The following SMURF2 variants were observed in gnomAD, a reference collection of about 807,000 sequenced individuals.
SMURF2 encodes SMAD specific E3 ubiquitin protein ligase 2.
Under a neutral mutation model 109.6 loss-of-function variants are expected in SMURF2, and 48 were observed. The observed-to-expected ratio is 0.44, with a 90% CI of 0.35 to 0.56. The LOEUF (loss-of-function observed/expected upper bound fraction) is 0.56. Ranked by LOEUF, SMURF2 falls within the 20% of genes least tolerant of loss-of-function variation. The pLI is 0.01. For missense variants in SMURF2, 575 were observed against 909.0 expected (o/e 0.63, Z 4.72); for synonymous variants, 288 against 317.1 (o/e 0.91, Z 0.97).
At position 64,575,089 on chromosome 17, in the gene SMURF2, A is replaced by AT. The variant is rs551344959; in HGVS notation, c.858-3134dup. ...TGATTTTGAAAAGTTAGGCCCTTGGATTTTTTTTTTCTTTTTTTAGTAAGC... is the reference window on the plus strand; with the variant it reads ...TGATTTTGAAAAGTTAGGCCCTTGGATTTTTTTTTTTCTTTTTTTAGTAAGC... On this transcript the variant is annotated intron_variant, in intron 9 of 18. Transcript: ENST00000262435. 5.4e-3 allele frequency among the ~76,000 whole-genome samples: 802 copies of AT among 147,466 alleles called. 5 individuals carry two copies. Among genetic ancestry groups the AT allele is most frequent in the East Asian group, 0.014 (71 of 5,088 alleles).
At chr17:64,612,338 G>C (rs1970056713) in intron 1 of SMURF2, among the ~76,000 whole-genome samples, 1 of 151,894 alleles carries the variant, frequency 6.6e-6, no homozygotes, top group African/African-American at 2.4e-5. Context: ...ATATAACAAT[G>C]GCCAATCCTC....
At chr17:64,649,272 C>T (rs1350501998) in intron 1 of SMURF2, among the ~76,000 whole-genome samples, 7 of 152,124 alleles carry the variant, frequency 4.6e-5, no homozygotes, top group South Asian at 4.1e-4. Context: ...TTTACATACC[C>T]TGACATCTAT....
At chr17:64,620,672 C>T (rs1244453104) in intron 1 of SMURF2, among the ~76,000 whole-genome samples, 1 of 152,340 alleles carries the variant, frequency 6.6e-6, no homozygotes, top group African/African-American at 2.4e-5. Flanking sequence ...GAACCTCCAA[C>T]ACTTGGATTC....
intron 1 of SMURF2, among the ~76,000 whole-genome samples, chr17:64,635,310 G>C (rs1464253368): frequency 6.6e-6 from 1 of 152,180 alleles, no homozygotes; most frequent in Admixed American, 6.5e-5. Context: ...CTGGGCGACA[G>C]AGCGAGACTA....
At position 64,662,081 on chromosome 17, in the gene SMURF2, TCTC is replaced by T. The variant is rs1297766689; in HGVS notation, c.-204_-202del. The T allele has an allele frequency of 1.5e-5, 16 of 1,073,456 alleles. No homozygotes were observed. The highest frequency in any genetic ancestry group is 1.1e-4 in the Admixed American group (2 of 18,640). 66.5% of individuals were successfully genotyped at this position (1,073,456 alleles called of 1,614,324 possible). ...CGCCGAGCTCCCCCCTCCTCCCACTTCTCCTTCCTCGGCCCGGGCCGCACAACA... is the reference window on the plus strand; with the variant it reads ...CGCCGAGCTCCCCCCTCCTCCCACTTCTTCCTCGGCCCGGGCCGCACAACA... On this transcript the variant is annotated 5_prime_UTR_variant, in exon 1 of 19. Transcript: ENST00000262435.
chr17:64,625,732 TG>T (rs1168352716), intron 1 of SMURF2, among the ~76,000 whole-genome samples: 2 of 152,206 alleles, frequency 1.3e-5, no homozygotes, highest in Non-Finnish European at 2.9e-5. Flanking sequence ...TAGGTCTATA[TG>T]GGGCCCCATG....
intron 1 of SMURF2, among the ~76,000 whole-genome samples, chr17:64,627,443 G>C (rs1167696194): frequency 2.6e-5 from 4 of 152,160 alleles, no homozygotes; most frequent in African/African-American, 9.7e-5. Context: ...GAGACACTTT[G>C]CTAAACATTG....
At position 64,542,551 on chromosome 17, in the gene SMURF2, T is replaced by C. The variant is rs1555682683; in HGVS notation, c.*3297A>G. 2 of 151,940 alleles carry C rather than the reference T, an allele frequency of 1.3e-5. No homozygotes were observed. Among genetic ancestry groups the C allele is most frequent in the Non-Finnish European group, 2.9e-5 (2 of 67,980 alleles). The allele number at this position is 151,940 out of a possible 1,614,324, so 9.4% of individuals were successfully genotyped here. On this transcript the variant is annotated 3_prime_UTR_variant, in exon 19 of 19. Coordinates refer to ENST00000262435, the MANE Select transcript of SMURF2 (RefSeq NM_022739.4). ...AAAGTGAACTAATTACATCTAGAAATAAAACAACTCAGCATTTGGAACAAT... is the reference window on the plus strand; with the variant it reads ...AAAGTGAACTAATTACATCTAGAAACAAAACAACTCAGCATTTGGAACAAT...
intron 1 of SMURF2, among the ~76,000 whole-genome samples, chr17:64,649,206 A>C (rs1970602419): frequency 6.6e-6 from 1 of 152,224 alleles, no homozygotes; most frequent in Non-Finnish European, 1.5e-5. Context: ...CTAACTCTTC[A>C]ACACCATTTA....
Position 64,661,938 on chromosome 17 carries a change from C to T in SMURF2, c.-58G>A, listed in dbSNP as rs1192244614. The T allele has an allele frequency of 1.9e-5, 22 of 1,148,644 alleles. 1 individual carries two copies. The Admixed American group carries it at 5.8e-4, about 30-fold the overall frequency. 71.2% of individuals were successfully genotyped at this position (1,148,644 alleles called of 1,614,324 possible). A position where few individuals can be genotyped will look rare whatever the true frequency, so the allele number is the denominator to read the frequency against. ...GCGGCACGGGGGCGACGGCGAGGCG[C>T]GGCGGAGTCACCACAGCGGCCGGGG... On this transcript the variant is annotated 5_prime_UTR_variant, in exon 1 of 19. Transcript: ENST00000262435.
At chr17:64,589,765 A>G (rs1555687493) in intron 5 of SMURF2, among the ~76,000 whole-genome samples, 1 of 152,046 alleles carries the variant, frequency 6.6e-6, no homozygotes, top group Non-Finnish European at 1.5e-5. Flanking sequence ...CTGATTCTAC[A>G]TGATGGTGAG....
chr17:64,645,046 AG>A (rs1220889823), intron 1 of SMURF2, among the ~76,000 whole-genome samples: 4 of 151,894 alleles, frequency 2.6e-5, no homozygotes, highest in Admixed American at 6.6e-5. Context: ...TAGATTCGAC[AG>A]GAAGACTAGG....
chr17:64,559,892 T>A (rs1235785116), intron 12 of SMURF2, among the ~76,000 whole-genome samples: 6 of 151,272 alleles, frequency 4.0e-5, no homozygotes, highest in Admixed American at 4.0e-4. Context: ...GGACTACAGG[T>A]GTGCGCCACC....
chr17:64,639,597 G>C (rs1005345897), intron 1 of SMURF2, among the ~76,000 whole-genome samples: 31 of 152,074 alleles, frequency 2.0e-4, no homozygotes, highest in African/African-American at 7.0e-4. Flanking sequence ...GAAAATTAAG[G>C]TTCATTAGTT....
intron 1 of SMURF2, among the ~76,000 whole-genome samples, chr17:64,612,238 A>G (rs548265926): frequency 1.3e-5 from 2 of 152,262 alleles, no homozygotes; most frequent in Middle Eastern, 3.4e-3. Context: ...CACCAAGCAC[A>G]CATTACGCCT....
At chr17:64,564,208 T>C (rs1969268826) in intron 10 of SMURF2, among the ~76,000 whole-genome samples, 1 of 152,174 alleles carries the variant, frequency 6.6e-6, no homozygotes, top group African/African-American at 2.4e-5. Context: ...AGCGAAAGAC[T>C]GGAAACAACC....
At position 64,601,246 on chromosome 17, in the gene SMURF2, AC is replaced by A. The variant is rs528853996; in HGVS notation, c.92-2757del. On this transcript the variant is annotated intron_variant, in intron 2 of 18. Coordinates refer to ENST00000262435, the MANE Select transcript of SMURF2 (RefSeq NM_022739.4). The stretch of plus-strand genomic sequence containing the variant: ...ACTCCAACCTGGTTGACAGAGCAAG[AC>A]CCTATCTCAGTGGAAAAAAAGATTA... Among the ~76,000 whole-genome samples the A allele has an allele frequency of 2.6e-3, 393 of 152,206 alleles. 1 individual carries two copies. The highest frequency in any genetic ancestry group is 4.1e-3 in the Non-Finnish European group (280 of 68,012).
chr17:64,555,250 T>C (rs1384613832), intron 14 of SMURF2, among the ~76,000 whole-genome samples: 2 of 152,162 alleles, frequency 1.3e-5, no homozygotes, highest in African/African-American at 2.4e-5. Flanking sequence ...GAACCACCAA[T>C]ATAGGACAAT....
At chr17:64,629,953 G>A (rs1355507160) in intron 1 of SMURF2, among the ~76,000 whole-genome samples, 1 of 152,058 alleles carries the variant, frequency 6.6e-6, no homozygotes, top group Non-Finnish European at 1.5e-5. Flanking sequence ...AACTGAGAAA[G>A]GAGGCCGGGC....
Sources: allele counts gnomAD v4.1 joint callset (sites outside exome capture counted in the v4.1 genomes callset), GRCh38; gene constraint gnomAD v4.1.1; transcripts MANE v1.5; gene names NCBI Gene and HGNC (gene_info 2026-07-23, HGNC 2026-07-21).